The following DCAF8L2 variants were observed in gnomAD, a reference collection of about 807,000 sequenced individuals.
The protein encoded by DCAF8L2 is DDB1- and CUL4-associated factor 8-like protein 2.
For missense variants in DCAF8L2, 430 were observed against 490.7 expected (o/e 0.88, Z 1.17); for synonymous variants, 200 against 190.9 (o/e 1.05, Z -0.39).
At chrX:27,519,162 A>G in the DCAF8L2 span, 1 of 1,147,404 alleles carries the variant, frequency 8.7e-7, no homozygotes, top group Non-Finnish European at 1.2e-6. Context: ...CAGAAAAGGA[A>G]AAGGAAAGAA....
At chrX:27,702,021 G>A (rs1414306114) in intron 3 of DCAF8L2, among the ~76,000 whole-genome samples, 3 of 110,959 alleles carry the variant, frequency 2.7e-5, no homozygotes, top group African/African-American at 9.8e-5. Context: ...TGGAATGAAA[G>A]AGAATATACC....
chrX:27,474,122 G>T, the DCAF8L2 span, among the ~76,000 whole-genome samples: 1 of 111,108 alleles, frequency 9.0e-6, no homozygotes, highest in African/African-American at 3.3e-5. Context: ...CATTGTACAA[G>T]AAGCAATTAT....
the DCAF8L2 span, among the ~76,000 whole-genome samples, chrX:27,514,119 G>A: frequency 1.0e-5 from 1 of 98,506 alleles, no homozygotes; most frequent in African/African-American, 4.3e-5. Context: ...GATAAGTAAA[G>A]AAAAGTGTAT....
At chrX:27,691,591 T>C (rs1930715107) in intron 3 of DCAF8L2, among the ~76,000 whole-genome samples, 1 of 111,840 alleles carries the variant, frequency 8.9e-6, no homozygotes, top group Non-Finnish European at 1.9e-5. Flanking sequence ...AAAGTGTGGA[T>C]GTTATTATGA....
At chrX:27,599,164 C>T (rs944160181) in intron 1 of DCAF8L2, among the ~76,000 whole-genome samples, 2 of 110,531 alleles carry the variant, frequency 1.8e-5, no homozygotes, top group Non-Finnish European at 3.8e-5. Context: ...GGTATATATA[C>T]AGAATAAAAT....
chrX:27,567,210 G>A, the DCAF8L2 span, among the ~76,000 whole-genome samples: 1 of 110,024 alleles, frequency 9.1e-6, no homozygotes, highest in African/African-American at 3.3e-5. Flanking sequence ...TTGCTTTTAG[G>A]TGGAAAGTTT....
chrX:27,666,675 G>C (rs769586596), intron 2 of DCAF8L2, among the ~76,000 whole-genome samples: 4 of 112,273 alleles, frequency 3.6e-5, no homozygotes, highest in Admixed American at 9.5e-5. Flanking sequence ...TGGTTTGAAA[G>C]ATAATTTTGT....
chrX:27,687,252 T>C (rs1489767441), intron 3 of DCAF8L2, among the ~76,000 whole-genome samples: 1 of 112,291 alleles, frequency 8.9e-6, no homozygotes, highest in Non-Finnish European at 1.9e-5. Flanking sequence ...AATGACTGTA[T>C]AAATGAAGTA....
intron 1 of DCAF8L2, among the ~76,000 whole-genome samples, chrX:27,593,000 T>A (rs1295852182): frequency 9.0e-6 from 1 of 110,780 alleles, no homozygotes; most frequent in African/African-American, 3.3e-5. Context: ...GGTTTCACCA[T>A]ATTGGCCAGG....
chrX:27,603,929 A>T (rs999081352), intron 1 of DCAF8L2, among the ~76,000 whole-genome samples: 1 of 111,683 alleles, frequency 9.0e-6, no homozygotes, highest in African/African-American at 3.2e-5. Context: ...CTGAGTAGCT[A>T]TTGGCACTCA....
chrX:27,493,735 A>G, the DCAF8L2 span, among the ~76,000 whole-genome samples: 1 of 104,116 alleles, frequency 9.6e-6, no homozygotes, highest in Non-Finnish European at 2.0e-5. Context: ...AAAAAAAAAA[A>G]GAAAAGAAAA....
chrX:27,696,069 C>T (rs930507958), intron 3 of DCAF8L2, among the ~76,000 whole-genome samples: 8 of 107,347 alleles, frequency 7.5e-5, no homozygotes, highest in African/African-American at 2.0e-4. Flanking sequence ...TGTGGTGGCA[C>T]GCACCTGTAA....
the DCAF8L2 span, among the ~76,000 whole-genome samples, chrX:27,515,643 A>G: frequency 8.9e-6 from 1 of 112,777 alleles, no homozygotes; most frequent in African/African-American, 3.2e-5. Context: ...ATCCATTTTA[A>G]TCCTAATCTA....
At chrX:27,610,524 C>A (rs778319672) in intron 1 of DCAF8L2, among the ~76,000 whole-genome samples, 1 of 111,525 alleles carries the variant, frequency 9.0e-6, no homozygotes, top group African/African-American at 3.3e-5. Flanking sequence ...GCAATTAATT[C>A]ATTGGCAATG....
intron 4 of DCAF8L2, among the ~76,000 whole-genome samples, chrX:27,744,142 A>C (rs1242890870): frequency 8.1e-5 from 9 of 111,698 alleles, no homozygotes; most frequent in Non-Finnish European, 1.7e-4. Context: ...TTTTCTCGGG[A>C]GTATCACAGG....
the DCAF8L2 span, among the ~76,000 whole-genome samples, chrX:27,538,544 C>T: frequency 9.1e-6 from 1 of 110,491 alleles, no homozygotes; most frequent in South Asian, 3.9e-4. Flanking sequence ...CAGGCATGCA[C>T]CACCACGCCC....
intron 2 of DCAF8L2, among the ~76,000 whole-genome samples, chrX:27,665,765 A>C: frequency 8.9e-6 from 1 of 112,174 alleles, no homozygotes; most frequent in Middle Eastern, 4.6e-3. Flanking sequence ...CTCCACCAGC[A>C]AAAAGATCAT....
chrX:27,521,822 T>A, the DCAF8L2 span, among the ~76,000 whole-genome samples: 1 of 111,976 alleles, frequency 8.9e-6, no homozygotes, highest in Non-Finnish European at 1.9e-5. Context: ...TATATATGTA[T>A]ATACTAAGCA....
chrX:27,547,865 C>T, the DCAF8L2 span, among the ~76,000 whole-genome samples: 26 of 61,013 alleles, frequency 4.3e-4, no homozygotes, highest in East Asian at 5.2e-3. Context: ...CTCTCTCTCT[C>T]TCTCTTTCTC....
Sources: gnomAD v4.1 joint callset for allele counts (sites outside exome capture counted in the v4.1 genomes callset) on GRCh38, gnomAD v4.1.1 for gene constraint, MANE v1.5 for transcripts, NCBI Gene and HGNC (gene_info 2026-07-23, HGNC 2026-07-21) for gene names.